Variants in FUOM observed in about 807,000 individuals in gnomAD.
FUOM encodes protein fucU homolog.
FUOM carries 19 observed loss-of-function variants against 18.3 expected under a neutral mutation model. That is an observed-to-expected ratio of 1.04 (90% CI 0.73 to 1.53). FUOM has a LOEUF of 1.53. Ranked by LOEUF, FUOM falls within the 40% of genes most tolerant of loss-of-function variation. The probability of loss-of-function intolerance (pLI) is 0.00; values close to 1 mark genes in which losing one functional copy is unlikely to be tolerated. For synonymous variants in FUOM, 102 were observed against 87.9 expected, an observed-to-expected ratio of 1.16 and a Z score of -0.90; for missense variants, 210 against 200.9, an observed-to-expected ratio of 1.04 and a Z score of -0.27.
Position 133,355,362 on chromosome 10 carries a change from C to T in FUOM, c.*8G>A. On this transcript the variant is annotated 3_prime_UTR_variant, in exon 6 of 6. Coordinates refer to ENST00000278025, the MANE Select transcript of FUOM (RefSeq NM_001098483.3). ...TTCCTCTTCCGGCCCAGGTGGTCTTCACCAGGCCTACAGCAGGGGGTTGAG... is the reference window on the plus strand; with the variant it reads ...TTCCTCTTCCGGCCCAGGTGGTCTTTACCAGGCCTACAGCAGGGGGTTGAG... 1 of 1,599,270 alleles carries T rather than the reference C, an allele frequency of 6.3e-7. No individual in the cohort carries two copies. Among genetic ancestry groups the T allele is most frequent in the South Asian group, 1.1e-5 (1 of 89,196 alleles).
At chr10:133,353,001 C>G (rs1264022127), downstream of FUOM, among the ~76,000 whole-genome samples, 1 of 152,134 alleles carries the variant, frequency 6.6e-6, no homozygotes, top group African/African-American at 2.4e-5. Context: ...TCCTTGTATA[C>G]CGGGATGGTG....
At chr10:133,354,303 C>T (rs1848729155), downstream of FUOM, among the ~76,000 whole-genome samples, 1 of 152,186 alleles carries the variant, frequency 6.6e-6, no homozygotes. Context: ...AGCAGGCGGA[C>T]AGGACCCCAA....
At position 133,355,411 on chromosome 10, in the gene FUOM, T is replaced by G. The variant is rs201184492; in HGVS notation, c.424A>C (p.Ile142Leu). The stretch of plus-strand genomic sequence containing the variant: ...AGGGCAAGCACCCCCTTCCTGAGGA[T>G]GAGGTTTCCGTAGAGGGCCGTCTCC... The part of the protein sequence containing the change: ...TGETALYGNL[I>L]LRKGVLALNP... Residue 142 changes from isoleucine to leucine, a missense_variant, in exon 6 of 6, where the codon ATC becomes CTC. By Grantham distance (5) the Ile-to-Leu change is conservative. Transcript: ENST00000278025. 2.8e-3 allele frequency: 4,534 copies of G among 1,609,362 alleles called. 15 individuals carry two copies. Among genetic ancestry groups the G allele is most frequent in the Middle Eastern group, 6.7e-3 (33 of 4,936 alleles).
chr10:133,353,520 C>T (rs1035134532), downstream of FUOM, among the ~76,000 whole-genome samples: 4 of 152,208 alleles, frequency 2.6e-5, no homozygotes, highest in African/African-American at 7.2e-5. Flanking sequence ...AGAGGCCACC[C>T]GTCCCTCATC....
chr10:133,355,332 C>T lies in FUOM; in HGVS notation c.*38G>A, dbSNP rs1318524898. On this transcript the variant is annotated 3_prime_UTR_variant, in exon 6 of 6. Coordinates refer to ENST00000278025, the MANE Select transcript of FUOM (RefSeq NM_001098483.3). ...TGGTGGTACTGGAGCTCAGGGTGCCCCCAGTTCCTCTTCCGGCCCAGGTGG... is the reference window on the plus strand; with the variant it reads ...TGGTGGTACTGGAGCTCAGGGTGCCTCCAGTTCCTCTTCCGGCCCAGGTGG... The T allele has an allele frequency of 6.4e-7, 1 of 1,562,522 alleles. No homozygotes were observed. The highest frequency in any genetic ancestry group is 1.2e-5 in the South Asian group (1 of 85,572).
intron 5 of FUOM, 70 bp from the exon 6 acceptor site, chr10:133,355,506 C>G (rs756997396): frequency 6.2e-7 from 1 of 1,606,736 alleles, no homozygotes; most frequent in South Asian, 1.1e-5. Context: ...GCTTCAGCAT[C>G]TGGGGGACAG....
chr10:133,356,771 C>T (rs1343084262), intron 3 of FUOM, 33 bp from the exon 4 acceptor site: 2 of 1,510,690 alleles, frequency 1.3e-6, no homozygotes, highest in Admixed American at 2.1e-5. Context: ...GGGCCCTGGG[C>T]ACTGCCAGCC....
chr10:133,355,966 C>T (rs1173350867), intron 4 of FUOM, among the ~76,000 whole-genome samples, 155 bp from the exon 5 acceptor site: 2 of 152,210 alleles, frequency 1.3e-5, no homozygotes, highest in African/African-American at 4.8e-5. Flanking sequence ...GTCACTCAGC[C>T]TCTGGCTCCC....
At chr10:133,357,781 G>A (rs918270641) in intron 1 of FUOM, 142 bp downstream of exon 1, 9 of 590,894 alleles carry the variant, frequency 1.5e-5, no homozygotes, top group Non-Finnish European at 2.3e-5. Context: ...GGGGGAGGGG[G>A]CTTCCTGCCC....
At chr10:133,354,138 G>A (rs1848726930), downstream of FUOM, among the ~76,000 whole-genome samples, 1 of 152,186 alleles carries the variant, frequency 6.6e-6, no homozygotes, top group South Asian at 2.1e-4. Flanking sequence ...ATGGGCGAGG[G>A]TGTGTGCAAC....
intron 1 of FUOM, 186 bp downstream of exon 1, chr10:133,357,737 G>A (rs1293848011): frequency 3.7e-6 from 2 of 543,966 alleles, no homozygotes; most frequent in Non-Finnish European, 6.4e-6. Context: ...GCTCCGCCCA[G>A]AGCCCCACGA....
chr10:133,355,151 G>T (rs1206045815), downstream of FUOM: 1 of 602,046 alleles, frequency 1.7e-6, no homozygotes, highest in Non-Finnish European at 2.9e-6. Flanking sequence ...TGAGAACAGA[G>T]CTGGAATTGG....
downstream of FUOM, among the ~76,000 whole-genome samples, chr10:133,354,714 C>T (rs1848734886): frequency 6.6e-6 from 1 of 152,174 alleles, no homozygotes; most frequent in African/African-American, 2.4e-5. Flanking sequence ...TGGCACTGGA[C>T]TCCAAATGAC....
downstream of FUOM, among the ~76,000 whole-genome samples, chr10:133,353,832 G>A (rs138015059): frequency 3.0e-4 from 45 of 152,206 alleles, no homozygotes; most frequent in Non-Finnish European, 6.2e-4. Flanking sequence ...AGGGCATTGA[G>A]GGATCAACAC....
downstream of FUOM, among the ~76,000 whole-genome samples, chr10:133,353,390 C>T (rs1193487934): frequency 6.6e-6 from 1 of 152,192 alleles, no homozygotes; most frequent in Non-Finnish European, 1.5e-5. Context: ...CAAATGTGGG[C>T]GGGGTTCCTG....
At position 133,357,010 on chromosome 10, in the gene FUOM, A is replaced by G. The variant is rs1589873494; in HGVS notation, c.158T>C (p.Leu53Pro). The G allele has an allele frequency of 6.5e-7, 1 of 1,549,926 alleles. No homozygotes were observed. Among genetic ancestry groups the G allele is most frequent in the Admixed American group, 2.0e-5 (1 of 50,992 alleles). ...GGCCTCCAGGAGCTGCGGGATGCCCAGGCCTGGAGGGCAGAGGAGGCAGCA... is the reference window on the plus strand; with the variant it reads ...GGCCTCCAGGAGCTGCGGGATGCCCGGGCCTGGAGGGCAGAGGAGGCAGCA... The part of the protein sequence containing the change: ...CGPMEIRADG[L>P]GIPQLLEAVL... Residue 53 changes from leucine to proline, a missense_variant, in exon 3 of 6, where the codon CTG becomes CCG. Leu to Pro is a moderately conservative substitution (Grantham distance 98). Coordinates refer to ENST00000278025, the MANE Select transcript of FUOM (RefSeq NM_001098483.3).
At position 133,355,788 on chromosome 10, in the gene FUOM, C is replaced by CCT; in HGVS notation, c.346_347dup (p.Phe117GlyfsTer?). ...TCTTAGCCCGTTCATAAAACTCAAACCTCTCTATCTTTGCCAGGGCTCTCT... is the reference window on the plus strand; with the variant it reads ...TCTTAGCCCGTTCATAAAACTCAAACCTCTCTCTATCTTTGCCAGGGCTCTCT... On this transcript the variant is annotated frameshift_variant, in exon 5 of 6. Coordinates refer to ENST00000278025, the MANE Select transcript of FUOM (RefSeq NM_001098483.3). LOFTEE classifies it high-confidence loss of function. 1 of 1,613,176 alleles carries CCT rather than the reference C, an allele frequency of 6.2e-7. No homozygotes were observed. The highest frequency in any genetic ancestry group is 1.1e-5 in the South Asian group (1 of 91,088).
chr10:133,357,423 T>C, intron 1 of FUOM, 168 bp from the exon 2 acceptor site: 2 of 686,326 alleles, frequency 2.9e-6, no homozygotes, highest in South Asian at 3.5e-5. Context: ...TCCGCAGGGC[T>C]GGAAGCCACG....
At position 133,357,933 on chromosome 10, in the gene FUOM, C is replaced by G. The variant is rs1848865934; in HGVS notation, c.75G>C (p.Gly25=). Residue 25 remains glycine, a synonymous_variant, in exon 1 of 6, where the codon GGG becomes GGC. Coordinates refer to ENST00000278025, the MANE Select transcript of FUOM (RefSeq NM_001098483.3). ...LLYALARMGH[G]DEIVLADLNF... The stretch of plus-strand genomic sequence containing the variant: ...GCCCGCTGCGCTCACCGATCTCGTC[C>G]CCGTGCCCCATCCGCGCCAGCGCGT... The G allele has an allele frequency of 6.6e-7, 1 of 1,525,410 alleles. No individual in the cohort carries two copies. Among genetic ancestry groups the G allele is most frequent in the South Asian group, 1.2e-5 (1 of 82,696 alleles). 94.5% of individuals were successfully genotyped at this position (1,525,410 alleles called of 1,614,324 possible).
Sources: gnomAD v4.1 joint callset for allele counts (sites outside exome capture counted in the v4.1 genomes callset) on GRCh38, gnomAD v4.1.1 for gene constraint, MANE v1.5 for transcripts, NCBI Gene and HGNC (gene_info 2026-07-23, HGNC 2026-07-21) for gene names.